Variants in CBFB observed in about 807,000 individuals in gnomAD.
CBFB encodes core-binding factor subunit beta.
In CBFB, 9 loss-of-function variants were observed where a neutral mutation model predicts 30.4. That is an observed-to-expected ratio of 0.30 (90% confidence interval 0.18 to 0.52). The LOEUF is 0.52. CBFB is among the 20% of genes least tolerant of loss of function. The probability of loss-of-function intolerance (pLI) is 0.97; values close to 1 mark genes in which losing one functional copy is unlikely to be tolerated. For synonymous variants in CBFB, 94 were observed against 84.0 expected, an observed-to-expected ratio of 1.12 and a Z score of -0.65; for missense variants, 170 against 244.0, an observed-to-expected ratio of 0.70 and a Z score of 2.02.
At chr16:67,086,060 G>C (rs941671071) in intron 5 of CBFB, among the ~76,000 whole-genome samples, 3 of 152,148 alleles carry the variant, frequency 2.0e-5, no homozygotes, top group African/African-American at 7.2e-5. Context: ...AGCTGAGGAT[G>C]TCCCCAAGAA....
intron 5 of CBFB, 141 bp downstream of exon 5, chr16:67,082,449 T>G: frequency 2.0e-6 from 2 of 994,750 alleles, no homozygotes; most frequent in Non-Finnish European, 2.8e-6. Flanking sequence ...TCTCTGGCTT[T>G]GTGTTTATTA....
intron 3 of CBFB, among the ~76,000 whole-genome samples, chr16:67,057,836 G>T (rs567240901): frequency 2.6e-5 from 4 of 151,766 alleles, no homozygotes; most frequent in Middle Eastern, 6.8e-3. Context: ...TTTCATTTTT[G>T]AATTTTTTGG....
chr16:67,044,685 A>G (rs1028583262), intron 3 of CBFB, among the ~76,000 whole-genome samples: 5 of 152,214 alleles, frequency 3.3e-5, no homozygotes, highest in African/African-American at 1.2e-4. Flanking sequence ...TTCTTCTGGT[A>G]CCATTTACGC....
At chr16:67,071,102 T>C (rs1351852399) in intron 4 of CBFB, among the ~76,000 whole-genome samples, 1 of 152,148 alleles carries the variant, frequency 6.6e-6, no homozygotes, top group African/African-American at 2.4e-5. Context: ...TCCAACTATT[T>C]AGGCAGCAAT....
At chr16:67,096,592 T>A (rs1369841715) in intron 5 of CBFB, among the ~76,000 whole-genome samples, 1 of 152,090 alleles carries the variant, frequency 6.6e-6, no homozygotes. Context: ...CCTCTTTTTT[T>A]AAAATAGATT....
intron 5 of CBFB, among the ~76,000 whole-genome samples, chr16:67,095,246 C>T (rs899934505): frequency 2.1e-5 from 3 of 139,872 alleles, no homozygotes; most frequent in African/African-American, 5.4e-5. Flanking sequence ...AGGCTGGGCA[C>T]GGTGGCTCAC....
intron 4 of CBFB, among the ~76,000 whole-genome samples, chr16:67,076,116 G>A (rs769215727): frequency 7.2e-5 from 11 of 152,142 alleles, no homozygotes; most frequent in Admixed American, 2.0e-4. Flanking sequence ...TGTAGTCCAA[G>A]CTGCTCGGGA....
At chr16:67,040,669 A>G (rs1420208232) in intron 3 of CBFB, among the ~76,000 whole-genome samples, 1 of 152,244 alleles carries the variant, frequency 6.6e-6, no homozygotes, top group Admixed American at 6.5e-5. Context: ...CAGTGAACAG[A>G]GATCCTTAAC....
chr16:67,047,599 A>G (rs1229927267), intron 3 of CBFB, among the ~76,000 whole-genome samples: 1 of 152,232 alleles, frequency 6.6e-6, no homozygotes, highest in East Asian at 1.9e-4. Context: ...AGTTTGTTCC[A>G]TATAATAACA....
chr16:67,077,720 G>A (rs1480254702), intron 4 of CBFB, among the ~76,000 whole-genome samples: 1 of 152,204 alleles, frequency 6.6e-6, no homozygotes, highest in African/African-American at 2.4e-5. Context: ...AAACTCTGAT[G>A]CAGAAAGGTA....
chr16:67,030,138 C>T (rs946882583), intron 2 of CBFB: 1 of 261,292 alleles, frequency 3.8e-6, no homozygotes, highest in East Asian at 8.1e-5. Context: ...TTGTAGCAAG[C>T]AAACCCCCAT....
At chr16:67,082,101 G>T (rs2145770904) in intron 4 of CBFB, 112 bp from the exon 5 acceptor site, 1 of 785,480 alleles carries the variant, frequency 1.3e-6, no homozygotes, top group Non-Finnish European at 1.9e-6. Flanking sequence ...TTACAGGCGT[G>T]AGCCACTGCG....
chr16:67,070,230 C>T (rs111694545), intron 4 of CBFB, among the ~76,000 whole-genome samples: 11 of 152,258 alleles, frequency 7.2e-5, no homozygotes, highest in African/African-American at 2.2e-4. Context: ...AGTTAAAAGT[C>T]TTAAGAAAGA....
intron 3 of CBFB, among the ~76,000 whole-genome samples, chr16:67,041,151 A>G (rs1203923251): frequency 2.0e-5 from 3 of 152,208 alleles, no homozygotes. Context: ...TATGTTGCCC[A>G]GGGTGACTCA....
chr16:67,045,290 T>C (rs1042697030), intron 3 of CBFB, among the ~76,000 whole-genome samples: 3 of 152,046 alleles, frequency 2.0e-5, no homozygotes, highest in African/African-American at 4.8e-5. Flanking sequence ...CCGAGGCAGG[T>C]GGATCACCTG....
intron 5 of CBFB, among the ~76,000 whole-genome samples, chr16:67,090,945 CTATT>C (rs1295080576): frequency 8.5e-5 from 13 of 152,190 alleles, no homozygotes; most frequent in Non-Finnish European, 1.5e-4. Flanking sequence ...ATCTCAGCCT[CTATT>C]TATTTTAAAT....
chr16:67,086,700 A>G (rs1055209924), intron 5 of CBFB, among the ~76,000 whole-genome samples: 2 of 152,238 alleles, frequency 1.3e-5, no homozygotes, highest in Non-Finnish European at 2.9e-5. Flanking sequence ...TATATTAACT[A>G]GTTAAGTAAA....
At chr16:67,048,488 A>C (rs1316863981) in intron 3 of CBFB, among the ~76,000 whole-genome samples, 1 of 152,308 alleles carries the variant, frequency 6.6e-6, no homozygotes, top group South Asian at 2.1e-4. Context: ...AAGATATTAC[A>C]TGAAGTTAAA....
At chr16:67,066,131 A>AGG (rs1376254028) in intron 3 of CBFB, among the ~76,000 whole-genome samples, 14 of 152,242 alleles carry the variant, frequency 9.2e-5, no homozygotes, top group Admixed American at 2.0e-4. Context: ...TATAAAACTG[A>AGG]GGGGAGTATC....
Sources: allele counts gnomAD v4.1 joint callset (sites outside exome capture counted in the v4.1 genomes callset), GRCh38; gene constraint gnomAD v4.1.1; transcripts MANE v1.5; gene names NCBI Gene and HGNC (gene_info 2026-07-23, HGNC 2026-07-21).